The following ARHGAP21 variants were observed in gnomAD, a reference collection of about 807,000 sequenced individuals.
ARHGAP21 encodes Rho GTPase activating protein 21.
ARHGAP21 carries 38 observed loss-of-function variants against 164.6 expected under a neutral mutation model. The observed-to-expected ratio is 0.23, with a 90% CI of 0.18 to 0.30. The LOEUF (loss-of-function observed/expected upper bound fraction) is 0.30, where lower values mean the gene tolerates loss of function less well. ARHGAP21 is among the 10% of genes least tolerant of loss of function. ARHGAP21 has a pLI of 1.00. For missense variants in ARHGAP21, 1,822 were observed against 2,370.7 expected, an observed-to-expected ratio of 0.77 and a Z score of 4.81; for synonymous variants, 766 against 857.9, an observed-to-expected ratio of 0.89 and a Z score of 1.87.
At chr10:24,706,962 G>A (rs1244433073) in intron 2 of ARHGAP21, among the ~76,000 whole-genome samples, 2 of 152,188 alleles carry the variant, frequency 1.3e-5, no homozygotes, top group Admixed American at 6.5e-5. Context: ...CCGGTCCACA[G>A]CAAACAAATT....
intron 4 of ARHGAP21, among the ~76,000 whole-genome samples, chr10:24,661,962 G>A (rs1839740295): frequency 1.3e-5 from 2 of 152,134 alleles, no homozygotes; most frequent in Admixed American, 1.3e-4. Flanking sequence ...AGACCCCAAC[G>A]ATCAACTGGG....
At chr10:24,716,659 T>C (rs150460540) in intron 2 of ARHGAP21, among the ~76,000 whole-genome samples, 38 of 152,338 alleles carry the variant, frequency 2.5e-4, no homozygotes, top group African/African-American at 6.7e-4. Flanking sequence ...TTTGAGGAAT[T>C]TGAGCAAAGG....
chr10:24,656,571 G>C (rs1593189011), intron 4 of ARHGAP21, among the ~76,000 whole-genome samples: 1 of 103,882 alleles, frequency 9.6e-6, no homozygotes, highest in East Asian at 3.2e-4. Context: ...GAGGTGGGGG[G>C]GGTCAGCCCT....
chr10:24,633,987 G>A (rs574839346), intron 5 of ARHGAP21, among the ~76,000 whole-genome samples: 5 of 135,490 alleles, frequency 3.7e-5, no homozygotes, highest in Admixed American at 2.6e-4. Flanking sequence ...TCTGCCTCCC[G>A]GGTTCAAGCA....
intron 4 of ARHGAP21, among the ~76,000 whole-genome samples, chr10:24,651,030 T>C (rs1159391994): frequency 6.6e-6 from 1 of 151,670 alleles, no homozygotes; most frequent in Non-Finnish European, 1.5e-5. Context: ...ATGTTTTCAC[T>C]TGGGGTCCCC....
intron 9 of ARHGAP21, among the ~76,000 whole-genome samples, chr10:24,610,304 G>A (rs1381464129): frequency 8.6e-5 from 13 of 151,700 alleles, no homozygotes; most frequent in Admixed American, 6.6e-4. Context: ...TTGAACCCGG[G>A]AGGCGGAGCT....
At chr10:24,713,536 T>C (rs1845056549) in intron 2 of ARHGAP21, among the ~76,000 whole-genome samples, 1 of 152,170 alleles carries the variant, frequency 6.6e-6, no homozygotes, top group Admixed American at 6.5e-5. Flanking sequence ...TCTCAATCTA[T>C]TCTTTTATTC....
At chr10:24,601,002 G>A (rs2076791024) in intron 13 of ARHGAP21, 72 bp from the exon 14 acceptor site, 1 of 1,521,780 alleles carries the variant, frequency 6.6e-7, no homozygotes, top group Admixed American at 1.9e-5. Context: ...AGCACATTAA[G>A]CAACACCCTT....
At chr10:24,682,840 G>A (rs943733400) in intron 2 of ARHGAP21, among the ~76,000 whole-genome samples, 1 of 151,962 alleles carries the variant, frequency 6.6e-6, no homozygotes, top group African/African-American at 2.4e-5. Context: ...ATGACTGCCT[G>A]TAATCCCAGC....
At chr10:24,707,592 C>T (rs796566167) in intron 2 of ARHGAP21, among the ~76,000 whole-genome samples, 2 of 152,254 alleles carry the variant, frequency 1.3e-5, no homozygotes, top group African/African-American at 4.8e-5. Context: ...CTGAATTCAT[C>T]ACCTTCCCTC....
chr10:24,619,679 T>C lies in ARHGAP21; in HGVS notation c.2216A>G (p.Glu739Gly), dbSNP rs565943445. ...LDNKEAVILR[E>G]KPPSGRQTPQ... ...TGTCTGGCGTCCAGATGGAGGTTTT[T>C]CCCTTAGGATGACAGCTTCTTTATT... The change falls in exon 9 of 26, where the codon GAA becomes GGA. Residue 739 changes from glutamate to glycine, a missense_variant. Physicochemically the swap from Glu to Gly is moderately conservative, Grantham distance 98 (BLOSUM62 -2). This residue lies in a region of ARHGAP21 where 1,090 missense variants were observed against 1,378.9 expected (regional missense o/e 0.79). Transcript: ENST00000396432. 10 of 1,614,146 alleles carry C rather than the reference T, an allele frequency of 6.2e-6. No individual in the cohort carries two copies. The East Asian group carries it at 1.6e-4, about 25-fold the overall frequency.
rs899484300 is a variant in ARHGAP21, at chr10:24,589,156, C to T, written c.4182+115G>A. 2.6e-5 allele frequency: 23 copies of T among 889,444 alleles called. No homozygotes were observed. The Admixed American group carries it at 4.5e-4, about 18-fold the overall frequency. The allele number at this position is 889,444 out of a possible 1,614,324, so 55.1% of individuals were successfully genotyped here. On this transcript the variant is annotated intron_variant, in intron 25 of 25. Transcript: ENST00000396432. ...TTTAGGAATTAATTTTTTGATTATA[C>T]TTTGTTGCTCTGTCTCATTAGACAT...
chr10:24,618,776 G>A (rs531858473), intron 9 of ARHGAP21, among the ~76,000 whole-genome samples: 74 of 152,260 alleles, frequency 4.9e-4, no homozygotes, highest in African/African-American at 1.5e-3. Flanking sequence ...GATCACGGGA[G>A]GATTTTGCAT....
intron 2 of ARHGAP21, among the ~76,000 whole-genome samples, chr10:24,690,281 A>C (rs190529136): frequency 6.6e-6 from 1 of 152,252 alleles, no homozygotes; most frequent in African/African-American, 2.4e-5. Context: ...TCAAATGTTT[A>C]CTTTTTGTTT....
intron 4 of ARHGAP21, among the ~76,000 whole-genome samples, chr10:24,655,158 A>G (rs1239134063): frequency 6.6e-6 from 1 of 152,268 alleles, no homozygotes; most frequent in Non-Finnish European, 1.5e-5. Context: ...ACCTAAAACC[A>G]TAAAAATCCT....
intron 2 of ARHGAP21, among the ~76,000 whole-genome samples, chr10:24,675,913 T>C (rs758684550): frequency 1.3e-5 from 2 of 152,186 alleles, no homozygotes; most frequent in Non-Finnish European, 2.9e-5. Flanking sequence ...TTTGGGAGGC[T>C]GAGGCAGGCA....
intron 2 of ARHGAP21, among the ~76,000 whole-genome samples, chr10:24,715,807 G>A (rs1593386914): frequency 1.3e-5 from 2 of 152,054 alleles, no homozygotes; most frequent in African/African-American, 2.4e-5. Context: ...TCAGGAGTTC[G>A]AGACCAGCCT....
intron 2 of ARHGAP21, among the ~76,000 whole-genome samples, chr10:24,705,756 G>A (rs1397710787): frequency 1.3e-5 from 2 of 152,150 alleles, no homozygotes; most frequent in East Asian, 1.9e-4. Flanking sequence ...AATAACCTAC[G>A]AGGTAAATAA....
chr10:24,624,899 T>G (rs1231527159), intron 7 of ARHGAP21, among the ~76,000 whole-genome samples: 2 of 151,928 alleles, frequency 1.3e-5, no homozygotes, highest in Non-Finnish European at 1.5e-5. Flanking sequence ...CACTCAGCCT[T>G]TTTGTATACC....
Sources: gnomAD v4.1 joint callset for allele counts (sites outside exome capture counted in the v4.1 genomes callset) on GRCh38, gnomAD v4.1.1 for gene constraint, gnomAD v4.1.1 regional missense constraint, MANE v1.5 for transcripts, NCBI Gene and HGNC (gene_info 2026-07-23, HGNC 2026-07-21) for gene names.